TEX264: variants seen among roughly 807,000 people sequenced by gnomAD.
TEX264 encodes testis expressed 264, ER-phagy receptor.
A neutral mutation model predicts 23.4 loss-of-function variants in TEX264; 13 were observed. That is an observed-to-expected ratio of 0.56 (90% CI 0.36 to 0.88). The LOEUF (loss-of-function observed/expected upper bound fraction) is 0.88. Among genes scored for constraint, TEX264 ranks in the 40% least tolerant of loss-of-function variants. TEX264 has a pLI of 0.01. For synonymous variants in TEX264, 159 were observed against 170.0 expected, an observed-to-expected ratio of 0.94 and a Z score of 0.50; for missense variants, 340 against 406.8, an observed-to-expected ratio of 0.84 and a Z score of 1.41.
chr3:51,675,221 C>T (rs1310144031), intron 2 of TEX264, among the ~76,000 whole-genome samples: 1 of 152,230 alleles, frequency 6.6e-6, no homozygotes, highest in East Asian at 1.9e-4. Flanking sequence ...CACTAGCACC[C>T]TGTGAGCGTC....
chr3:51,696,805 A>G (rs951450522), intron 3 of TEX264, among the ~76,000 whole-genome samples: 2 of 152,130 alleles, frequency 1.3e-5, no homozygotes, highest in African/African-American at 2.4e-5. Context: ...CATGTGCTAT[A>G]ATGATTTGGG....
intron 4 of TEX264, among the ~76,000 whole-genome samples, chr3:51,700,892 G>A (rs1293621730): frequency 5.3e-5 from 8 of 151,976 alleles, no homozygotes; most frequent in Non-Finnish European, 2.9e-5. Flanking sequence ...ACACCCCAGC[G>A]GGACTCGGTG....
At position 51,686,897 on chromosome 3, in the gene TEX264, G is replaced by A. The variant is rs1429604015; in HGVS notation, c.480+2263G>A. ...GAACAGGACATGTGGCATGTGGTGT[G>A]GTGGTGAGCAACTCAGCCACCAAAG... On this transcript the variant is annotated intron_variant, in intron 3 of 4. Coordinates refer to ENST00000341333, the MANE Select transcript of TEX264 (RefSeq NM_015926.6). The surrounding 1 kb of genome is among the most constrained non-coding windows in gnomAD (Gnocchi z 4.1). Among the ~76,000 whole-genome samples the A allele has an allele frequency of 2.0e-5, 3 of 152,208 alleles. No individual in the cohort carries two copies. Among genetic ancestry groups the A allele is most frequent in the Non-Finnish European group, 2.9e-5 (2 of 68,044 alleles).
rs771738706 is a variant in TEX264 at position 51,703,780 on chromosome 3, C to T, written c.706C>T (p.Arg236Trp). 5.0e-6 allele frequency: 8 copies of T among 1,608,300 alleles called. No individual in the cohort carries two copies. Among genetic ancestry groups the T allele is most frequent in the Middle Eastern group, 1.7e-4 (1 of 6,058 alleles). Reference protein sequence around the residue: ...SVSLEVSPGSRETSAATLSPG... With the variant: ...SVSLEVSPGSWETSAATLSPG... Reference sequence around the variant, plus strand: ...AAGCTTGGAAGTGAGCCCTGGCAGCCGGGAGACTTCAGCTGCCACACTGTC... The same window carrying T: ...AAGCTTGGAAGTGAGCCCTGGCAGCTGGGAGACTTCAGCTGCCACACTGTC... Residue 236 changes from arginine to tryptophan, a missense_variant, in exon 5 of 5, where the codon CGG becomes TGG. Coordinates refer to ENST00000341333, the MANE Select transcript of TEX264 (RefSeq NM_015926.6). The surrounding 1 kb of genome is among the most constrained non-coding windows in gnomAD (Gnocchi z 4.8).
At chr3:51,674,601 C>T in intron 2 of TEX264, 39 bp downstream of exon 2, 1 of 1,602,172 alleles carries the variant, frequency 6.2e-7, no homozygotes, top group Non-Finnish European at 8.5e-7. Flanking sequence ...ATGGATGGGC[C>T]TGGTGGGCCA....
intron 3 of TEX264, among the ~76,000 whole-genome samples, chr3:51,695,846 G>A (rs937948257): frequency 1.3e-5 from 2 of 152,164 alleles, no homozygotes; most frequent in East Asian, 3.8e-4. Flanking sequence ...TGCAGGGTGG[G>A]GTGGTGGTGG....
intron 1 of TEX264, 73 bp from the exon 2 acceptor site, chr3:51,674,198 A>G: frequency 6.5e-7 from 1 of 1,536,632 alleles, no homozygotes; most frequent in South Asian, 1.2e-5. Flanking sequence ...TTGGGCCAGA[A>G]CTGGTTGGCG....
intron 3 of TEX264, among the ~76,000 whole-genome samples, chr3:51,690,712 C>T (rs1702797313): frequency 6.6e-6 from 1 of 152,180 alleles, no homozygotes; most frequent in African/African-American, 2.4e-5. Context: ...CATCTCAGCT[C>T]AGTCACTTAT....
At chr3:51,699,820 A>C (rs1318102950) in intron 4 of TEX264, among the ~76,000 whole-genome samples, 1 of 152,050 alleles carries the variant, frequency 6.6e-6, no homozygotes, top group Non-Finnish European at 1.5e-5. Context: ...AGATACAAAG[A>C]CCCTGCCTGG....
In TEX264 at chr3:51,704,086, C is replaced by A. The variant is rs1014741584; in HGVS notation, c.*70C>A. ...GCAGACTCTCCAGCAGACTCTCCAG[C>A]CCTCTTCCTCCTTCCTCTGGGGGAG... On this transcript the variant is annotated 3_prime_UTR_variant, in exon 5 of 5. Transcript: ENST00000341333. 8 of 1,284,900 alleles carry A rather than the reference C, an allele frequency of 6.2e-6. No homozygotes were observed. The South Asian group carries it at 7.8e-5, about 12-fold the overall frequency. 79.6% of individuals were successfully genotyped at this position (1,284,900 alleles called of 1,614,324 possible).
rs768891984 is a variant in TEX264, at chr3:51,684,630, T to C, written c.476T>C (p.Ile159Thr). 1.2e-6 allele frequency: 2 copies of C among 1,614,076 alleles called. No individual in the cohort carries two copies. Among genetic ancestry groups the C allele is most frequent in the Non-Finnish European group, 1.7e-6 (2 of 1,179,962 alleles). The change falls in exon 3 of 5, where the codon ATC (isoleucine) becomes ACC (threonine). Residue 159 changes from isoleucine (I) to threonine (T), a missense_variant. Ile to Thr is a moderately conservative substitution (Grantham distance 89). Transcript: ENST00000341333. ...GTCCATCCTGCCTTGGACACCTACA[T>C]CAAGGTGAGGCACAGGCCTGGGGTG... is the stretch of plus-strand genomic sequence containing the variant. The part of the protein sequence containing the change: ...RRVHPALDTY[I>T]KERKLCAYPR...
At chr3:51,673,119 AAAT>A (rs1300617619) in intron 1 of TEX264, among the ~76,000 whole-genome samples, 1 of 152,242 alleles carries the variant, frequency 6.6e-6, no homozygotes, top group Non-Finnish European at 1.5e-5. Context: ...CACAGGGAAG[AAAT>A]AATTCCACAG....
chr3:51,677,965 C>T (rs903922808), intron 2 of TEX264, among the ~76,000 whole-genome samples: 1 of 152,158 alleles, frequency 6.6e-6, no homozygotes, highest in Admixed American at 6.5e-5. Context: ...CATGGGTGTA[C>T]TCACCCACCT....
intron 2 of TEX264, among the ~76,000 whole-genome samples, chr3:51,674,788 A>G (rs1702177529): frequency 1.3e-5 from 2 of 152,188 alleles, no homozygotes; most frequent in South Asian, 2.1e-4. Flanking sequence ...CCCCTTGCCC[A>G]TGGCTACTTG....
rs190160363 is a variant in TEX264 at position 51,679,473 on chromosome 3, G to A, written c.258+4911G>A. ...CCATTGTGCAGCCCGCTTTCACTAG[G>A]GCCAATTTCCGGGACTCCTGGATGC... On this transcript the variant is annotated intron_variant, in intron 2 of 4. Coordinates refer to ENST00000341333, the MANE Select transcript of TEX264 (RefSeq NM_015926.6). Among the ~76,000 whole-genome samples the A allele has an allele frequency of 5.8e-4, 89 of 152,270 alleles. 1 individual carries two copies. The highest frequency in any genetic ancestry group is 1.3e-3 in the Admixed American group (20 of 15,284).
chr3:51,681,142 C>G (rs1702416425), intron 2 of TEX264, among the ~76,000 whole-genome samples: 1 of 152,156 alleles, frequency 6.6e-6, no homozygotes, highest in African/African-American at 2.4e-5. Context: ...AGTTGCTTAG[C>G]CAGGAAAGGA....
At chr3:51,678,902 A>G (rs1207399540) in intron 2 of TEX264, among the ~76,000 whole-genome samples, 1 of 152,212 alleles carries the variant, frequency 6.6e-6, no homozygotes, top group Non-Finnish European at 1.5e-5. Context: ...AACAAAGGCA[A>G]TGGGAATGTG....
At chr3:51,682,111 T>C (rs1250409967) in intron 2 of TEX264, 1 of 152,208 alleles carries the variant, frequency 6.6e-6, no homozygotes, top group African/African-American at 2.4e-5. Context: ...ATATGACTTA[T>C]GTAGATGTTT....
At chr3:51,684,838 G>A (rs1341062878) in intron 3 of TEX264, among the ~76,000 whole-genome samples, 4 of 152,218 alleles carry the variant, frequency 2.6e-5, no homozygotes, top group South Asian at 2.1e-4. Flanking sequence ...TTTGGAAGCC[G>A]GAGCATATCC....
Sources: allele counts gnomAD v4.1 joint callset (sites outside exome capture counted in the v4.1 genomes callset), GRCh38; gene constraint gnomAD v4.1.1; non-coding constraint Gnocchi (gnomAD v3.1); transcripts MANE v1.5; gene names NCBI Gene and HGNC (gene_info 2026-07-23, HGNC 2026-07-21).